SLC15A4: variants seen among roughly 807,000 people sequenced by gnomAD.
SLC15A4 encodes the protein hPHT1.
In SLC15A4, 26 loss-of-function variants were observed where a neutral mutation model predicts 46.1. The ratio of observed to expected loss-of-function variants is 0.56; its 90% CI spans 0.41 to 0.78. The LOEUF (loss-of-function observed/expected upper bound fraction) is 0.78, where lower values mean the gene tolerates loss of function less well. SLC15A4 is among the 30% of genes least tolerant of loss of function. The pLI is 0.00. For missense variants in SLC15A4, 751 were observed against 755.7 expected (o/e 0.99, Z 0.07); for synonymous variants, 370 against 333.4 (o/e 1.11, Z -1.20).
In SLC15A4 at chr12:128,811,539, T is replaced by TA. The variant is rs1450162590; in HGVS notation, c.843-1429dup. Reference sequence around the variant, plus strand: ...GGGAGGGCTCCTGTCCTTACGGACTTAGTCTAGTGGGGGAAAATAATCAAA... The same window carrying TA: ...GGGAGGGCTCCTGTCCTTACGGACTTAAGTCTAGTGGGGGAAAATAATCAAA... On this transcript the variant is annotated intron_variant, in intron 2 of 7. Coordinates refer to ENST00000266771, the MANE Select transcript of SLC15A4 (RefSeq NM_145648.4). Among the ~76,000 whole-genome samples the TA allele has an allele frequency of 1.1e-4, 16 of 152,254 alleles. 1 individual carries two copies. Among genetic ancestry groups the TA allele is most frequent in the Non-Finnish European group, 2.1e-4 (14 of 68,048 alleles).
rs1187025548 is a variant in SLC15A4, at chr12:128,823,689, G to A, written c.255C>T (p.Thr85=). 1.3e-6 allele frequency: 2 copies of A among 1,519,050 alleles called. No individual in the cohort carries two copies. Among genetic ancestry groups the A allele is most frequent in the East Asian group, 2.7e-5 (1 of 37,714 alleles). 94.1% of individuals were successfully genotyped at this position (1,519,050 alleles called of 1,614,324 possible). A position where few individuals can be genotyped will look rare whatever the true frequency, so the allele number is the denominator to read the frequency against. The change falls in exon 1 of 8, where the codon ACC becomes ACT. Residue 85 remains threonine (T), a synonymous_variant. Transcript: ENST00000266771. Reference sequence around the variant, plus strand: ...AGCCTCCGAACGGCGAGCCCAGGTAGGTGAGGCCCATGAAGAGCAGCAGCG... The same window carrying A: ...AGCCTCCGAACGGCGAGCCCAGGTAAGTGAGGCCCATGAAGAGCAGCAGCG... ...SEALLLFMGL[T]YLGSPFGGWL... is the part of the protein sequence containing the mutation.
At chr12:128,818,062 G>A (rs1040129556) in intron 1 of SLC15A4, among the ~76,000 whole-genome samples, 1 of 150,198 alleles carries the variant, frequency 6.7e-6, no homozygotes, top group Non-Finnish European at 1.5e-5. Context: ...AAAATGGGGT[G>A]TCAGTTTTTC....
chr12:128,798,821 G>C (rs926528778), intron 7 of SLC15A4, among the ~76,000 whole-genome samples: 1 of 152,172 alleles, frequency 6.6e-6, no homozygotes, highest in African/African-American at 2.4e-5. Context: ...TATCTATCTT[G>C]TCTTTTTCGT....
chr12:128,820,169 C>T (rs895236543), intron 1 of SLC15A4, among the ~76,000 whole-genome samples: 8 of 152,154 alleles, frequency 5.3e-5, no homozygotes, highest in African/African-American at 1.4e-4. Context: ...CCAATGGCAC[C>T]CCAAGGCCAA....
intron 2 of SLC15A4, among the ~76,000 whole-genome samples, chr12:128,811,780 C>A (rs1955659733): frequency 6.6e-6 from 1 of 152,328 alleles, no homozygotes; most frequent in East Asian, 1.9e-4. Context: ...CACAAAGAAT[C>A]ATTCACACAG....
intron 5 of SLC15A4, among the ~76,000 whole-genome samples, chr12:128,806,013 C>A (rs1228533220): frequency 1.3e-5 from 2 of 151,372 alleles, no homozygotes; most frequent in African/African-American, 4.9e-5. Flanking sequence ...ACTAAAAATA[C>A]AAAAAATTAG....
At chr12:128,809,095 C>G (rs532582565) in intron 4 of SLC15A4, 139 bp from the exon 5 acceptor site, 1 of 778,618 alleles carries the variant, frequency 1.3e-6, no homozygotes, top group African/African-American at 1.8e-5. Flanking sequence ...AGTTTAGAGA[C>G]AACGGAACTG....
In SLC15A4 at chr12:128,823,916, C is replaced by A; in HGVS notation, c.28G>T (p.Glu10Ter). The A allele has an allele frequency of 4.1e-6, 3 of 737,940 alleles. No homozygotes were observed. In the South Asian group the frequency reaches 1.8e-4, roughly 43 times the overall value. The allele number at this position is 737,940 out of a possible 1,614,324, so 45.7% of individuals were successfully genotyped here. A position where few individuals can be genotyped will look rare whatever the true frequency, so the allele number is the denominator to read the frequency against. ...CGCGCGCCCAGCAGCGGCGCCCGCT[C>A]GCCCGCACCGCCCCCAGAGCCCTCC... MEGSGGGAG[E>*]RAPLLGARRA... The change falls in exon 1 of 8, where the codon GAG becomes TAG. Residue 10 changes from glutamate (E) to a stop codon, truncating the protein, a stop_gained. Transcript: ENST00000266771. LOFTEE classifies it high-confidence loss of function.
At chr12:128,821,884 CAAAAAA>C (rs10579523) in intron 1 of SLC15A4, among the ~76,000 whole-genome samples, 5 of 132,970 alleles carry the variant, frequency 3.8e-5, no homozygotes, top group Admixed American at 7.4e-5. Context: ...GACTCCGCCT[CAAAAAA>C]AAAAAAAAAA....
Position 128,823,494 on chromosome 12 carries a change from G to A in SLC15A4, c.450C>T (p.Ala150=), listed in dbSNP as rs765919379. The A allele has an allele frequency of 1.3e-6, 2 of 1,485,120 alleles. No homozygotes were observed. Among genetic ancestry groups the A allele is most frequent in the East Asian group, 5.7e-5 (2 of 35,092 alleles). 92.0% of individuals were successfully genotyped at this position (1,485,120 alleles called of 1,614,324 possible). ...CGAAGGTGGCCGGTGAGCAGCAGCG[G>A]GCGGCGGCGTCGGGACCAGGCGCCG... ...NCTAPGPDAA[A]RCCSPATFAG... Residue 150 remains alanine (A), a synonymous_variant, in exon 1 of 8, where the codon GCC becomes GCT. Transcript: ENST00000266771.
chr12:128,799,546 C>A (rs558551403), intron 6 of SLC15A4, 129 bp from the exon 7 acceptor site: 2 of 924,202 alleles, frequency 2.2e-6, no homozygotes, highest in African/African-American at 1.7e-5. Context: ...ACAGGCACAA[C>A]CTCTTTTCTA....
intron 1 of SLC15A4, among the ~76,000 whole-genome samples, chr12:128,818,772 G>A (rs1250103091): frequency 1.3e-5 from 2 of 151,882 alleles, no homozygotes; most frequent in Admixed American, 6.6e-5. Context: ...TCAGTCCCAC[G>A]CCCCTCTCCT....
intron 4 of SLC15A4, 141 bp downstream of exon 4, chr12:128,809,255 A>G (rs1704641583): frequency 3.2e-6 from 2 of 631,734 alleles, no homozygotes; most frequent in Non-Finnish European, 5.4e-6. Context: ...ATTCTCTAAA[A>G]TAAGTAAAAA....
Position 128,823,554 on chromosome 12 carries a change from G to A in SLC15A4, c.390C>T (p.Ala130=). Residue 130 remains alanine (A), a synonymous_variant, in exon 1 of 8, where the codon GCC becomes GCT. Coordinates refer to ENST00000266771, the MANE Select transcript of SLC15A4 (RefSeq NM_145648.4). ...GCAGGCGCGCGGAACCGCAGAGCGC[G>A]GCTCGCGTGGCGGGCGCGGCCAGCA... ...FPLLAAPATR[A]ALCGSARLLN... is the part of the protein sequence containing the mutation. 2 of 1,445,542 alleles carry A rather than the reference G, an allele frequency of 1.4e-6. No individual in the cohort carries two copies. Among genetic ancestry groups the A allele is most frequent in the South Asian group, 1.4e-5 (1 of 73,058 alleles). 89.5% of individuals were successfully genotyped at this position (1,445,542 alleles called of 1,614,324 possible).
At chr12:128,802,992 T>A (rs1955535658) in intron 5 of SLC15A4, among the ~76,000 whole-genome samples, 1 of 152,008 alleles carries the variant, frequency 6.6e-6, no homozygotes, top group South Asian at 2.1e-4. Context: ...TGTGAACAAC[T>A]GAGAGCCCTG....
chr12:128,823,127 C>T (rs1282003577), intron 1 of SLC15A4, among the ~76,000 whole-genome samples: 2 of 152,114 alleles, frequency 1.3e-5, no homozygotes, highest in African/African-American at 4.8e-5. Context: ...CGTGAGCCAC[C>T]GCGCCCGGCC....
intron 1 of SLC15A4, among the ~76,000 whole-genome samples, chr12:128,816,361 G>C (rs1482328832): frequency 6.6e-6 from 1 of 152,162 alleles, no homozygotes; most frequent in Non-Finnish European, 1.5e-5. Context: ...ACTTATGAGA[G>C]GCTGATACTG....
chr12:128,797,398 G>A (rs563598149), intron 7 of SLC15A4, among the ~76,000 whole-genome samples: 1 of 151,960 alleles, frequency 6.6e-6, no homozygotes, highest in South Asian at 2.1e-4. Context: ...TTCTGAGGGG[G>A]GCAGTAAACT....
intron 5 of SLC15A4, among the ~76,000 whole-genome samples, chr12:128,803,074 G>C (rs1163669073): frequency 6.6e-6 from 1 of 152,062 alleles, no homozygotes; most frequent in African/African-American, 2.4e-5. Flanking sequence ...CGGGCACCCA[G>C]TAAAAACAAG....
Sources: allele counts gnomAD v4.1 joint callset (sites outside exome capture counted in the v4.1 genomes callset), GRCh38; gene constraint gnomAD v4.1.1; transcripts MANE v1.5; gene names NCBI Gene and HGNC (gene_info 2026-07-23, HGNC 2026-07-21).